FERMT1: variants seen among roughly 807,000 people sequenced by gnomAD.
FERMT1 encodes fermitin family homolog 1.
A neutral mutation model predicts 85.3 loss-of-function variants in FERMT1; 60 were observed. The observed-to-expected ratio is 0.70, with a 90% CI of 0.57 to 0.87. The LOEUF (loss-of-function observed/expected upper bound fraction) is 0.87, where lower values mean the gene tolerates loss of function less well. FERMT1 is among the 40% of genes least tolerant of loss of function. The pLI is 0.00. For missense variants in FERMT1, 701 were observed against 818.9 expected (o/e 0.86, Z 1.76); for synonymous variants, 275 against 301.1 (o/e 0.91, Z 0.90).
intron 13 of FERMT1, among the ~76,000 whole-genome samples, chr20:6,083,562 C>T (rs1170172918): frequency 1.3e-5 from 2 of 151,698 alleles, no homozygotes; most frequent in Non-Finnish European, 2.9e-5. Context: ...GGTGTGGTGG[C>T]TCATGCCTGT....
chr20:6,112,336 C>T lies in FERMT1; in HGVS notation c.532+141G>A, dbSNP rs1460786084. 9.8e-6 allele frequency: 8 copies of T among 812,256 alleles called. No homozygotes were observed. In the African/African-American group the frequency reaches 1.4e-4, roughly 14 times the overall value. 50.3% of individuals were successfully genotyped at this position (812,256 alleles called of 1,614,324 possible). A position where few individuals can be genotyped will look rare whatever the true frequency, so the allele number is the denominator to read the frequency against. Reference sequence around the variant, plus strand: ...GAAACACATTTCTGTTAATTCTAAACTTGACTAGATAGCCTTTCCTCATCA... The same window carrying T: ...GAAACACATTTCTGTTAATTCTAAATTTGACTAGATAGCCTTTCCTCATCA... On this transcript the variant is annotated intron_variant, in intron 4 of 14. Transcript: ENST00000217289.
chr20:6,112,277 T>A (rs949708809), intron 4 of FERMT1, among the ~76,000 whole-genome samples, 200 bp downstream of exon 4: 1 of 152,150 alleles, frequency 6.6e-6, no homozygotes, highest in African/African-American at 2.4e-5. Context: ...ATTCAAGTAA[T>A]GAGTTATTAA....
chr20:6,082,454 T>C lies in FERMT1; in HGVS notation c.1718+1586A>G, dbSNP rs551860547. The stretch of plus-strand genomic sequence containing the variant: ...TTTATGTGGTTTTCACTATGCGGGG[T>C]TGACTTCAGGGTTACAGGTGAGTGT... On this transcript the variant is annotated intron_variant, in intron 13 of 14. Coordinates refer to ENST00000217289, the MANE Select transcript of FERMT1 (RefSeq NM_017671.5). Among the ~76,000 whole-genome samples, 8 of 152,144 alleles carry C rather than the reference T, an allele frequency of 5.3e-5. No homozygotes were observed. In the South Asian group the frequency reaches 1.5e-3, roughly 28 times the overall value.
At chr20:6,093,273 G>A (rs970216109) in intron 9 of FERMT1, among the ~76,000 whole-genome samples, 6 of 151,882 alleles carry the variant, frequency 4.0e-5, no homozygotes, top group Admixed American at 2.6e-4. Flanking sequence ...TCCTTCATTT[G>A]TTTCTTCTTT....
chr20:6,107,626 TCTAGCCAA>T lies in FERMT1; in HGVS notation c.747_754del (p.Trp250LeufsTer14). Reference sequence around the variant, plus strand: ...TTGTTCCATAAGGGAGCGTGAGGAGTCTAGCCAACTAGAAAATGACAGCATGAGTTTTA... The same window carrying T: ...TTGTTCCATAAGGGAGCGTGAGGAGTCTAGAAAATGACAGCATGAGTTTTA... On this transcript the variant is annotated frameshift_variant and splice_region_variant, in exon 6 of 15. Transcript: ENST00000217289. LOFTEE classifies it high-confidence loss of function. The T allele has an allele frequency of 1.3e-6, 2 of 1,598,700 alleles. No homozygotes were observed.
At chr20:6,096,838 A>T in intron 8 of FERMT1, 64 bp downstream of exon 8, 1 of 1,449,476 alleles carries the variant, frequency 6.9e-7, no homozygotes, top group Non-Finnish European at 9.5e-7. Context: ...AATAAAGAAA[A>T]GTTCATTTAT....
intron 9 of FERMT1, among the ~76,000 whole-genome samples, chr20:6,092,829 A>C (rs1344993163): frequency 6.6e-6 from 1 of 151,958 alleles, no homozygotes; most frequent in African/African-American, 2.4e-5. Context: ...AACCATGACA[A>C]CCTGTCTCTA....
chr20:6,099,818 A>G (rs183616153), intron 6 of FERMT1, among the ~76,000 whole-genome samples: 9 of 142,848 alleles, frequency 6.3e-5, no homozygotes, highest in African/African-American at 2.4e-4. Context: ...CAACATGATG[A>G]GTCACTGTTT....
intron 6 of FERMT1, among the ~76,000 whole-genome samples, chr20:6,103,192 A>T (rs1982706568): frequency 6.6e-6 from 1 of 152,208 alleles, no homozygotes; most frequent in Non-Finnish European, 1.5e-5. Context: ...TGGAAATGGT[A>T]GTTTCTCTAT....
chr20:6,107,815 G>C (rs1982840524), intron 5 of FERMT1, among the ~76,000 whole-genome samples, 181 bp from the exon 6 acceptor site: 1 of 152,114 alleles, frequency 6.6e-6, no homozygotes, highest in Non-Finnish European at 1.5e-5. Context: ...CACTTTCTGA[G>C]CACTGACCTG....
In FERMT1 at chr20:6,104,948, C is replaced by G. The variant is rs11697570; in HGVS notation, c.849+2584G>C. On this transcript the variant is annotated intron_variant, in intron 6 of 14. Coordinates refer to ENST00000217289, the MANE Select transcript of FERMT1 (RefSeq NM_017671.5). The surrounding 1 kb of genome is among the most constrained non-coding windows in gnomAD (Gnocchi z 4.2). ...TAGCTCAAGCTTAGTTCTGAAGCAG[C>G]GGATTGAATCGGGGGAGTCTCTTGG... Among the ~76,000 whole-genome samples the G allele has an allele frequency of 0.15, 22,264 of 152,070 alleles. 2,377 individuals are homozygous for G. The highest frequency in any genetic ancestry group is 0.3 in the African/African-American group (12,578 of 41,434).
intron 13 of FERMT1, 33 bp downstream of exon 13, chr20:6,084,004 TGGA>T (rs1982087909): frequency 6.2e-7 from 1 of 1,613,630 alleles, no homozygotes; most frequent in Non-Finnish European, 8.5e-7. Context: ...TAAAATTGAA[TGGA>T]AAGTGTGAGA....
chr20:6,108,254 T>C (rs1982851211), intron 5 of FERMT1, among the ~76,000 whole-genome samples: 1 of 152,160 alleles, frequency 6.6e-6, no homozygotes, highest in South Asian at 2.1e-4. Flanking sequence ...TGAAAAAGTG[T>C]AAAAAACAAA....
chr20:6,116,729 C>CAAAAAAA (rs58183881), intron 2 of FERMT1, among the ~76,000 whole-genome samples: 11 of 140,896 alleles, frequency 7.8e-5, no homozygotes, highest in African/African-American at 2.9e-4. Context: ...ATCTCTGTCT[C>CAAAAAAA]AAAAAAAAAA....
chr20:6,090,488 G>A (rs1015300256), intron 9 of FERMT1, among the ~76,000 whole-genome samples: 9 of 152,108 alleles, frequency 5.9e-5, no homozygotes, highest in Non-Finnish European at 1.0e-4. Context: ...TATGCTGGGT[G>A]CCAGTGCCAT....
intron 4 of FERMT1, 49 bp downstream of exon 4, chr20:6,112,428 T>C (rs369859984): frequency 1.3e-6 from 2 of 1,587,736 alleles, no homozygotes; most frequent in Non-Finnish European, 1.7e-6. Context: ...ATTTCTCTCT[T>C]GAGTTTTACT....
chr20:6,089,020 G>C lies in FERMT1; in HGVS notation c.1209C>G (p.Tyr403Ter), dbSNP rs761341202. 5.6e-6 allele frequency: 9 copies of C among 1,611,530 alleles called. No homozygotes were observed. Among genetic ancestry groups the C allele is most frequent in the South Asian group, 1.1e-5 (1 of 91,038 alleles). Residue 403 changes from tyrosine (Y) to a stop codon, truncating the protein, a stop_gained, in exon 10 of 15, where the codon TAC (tyrosine) becomes TAG (stop). Transcript: ENST00000217289. LOFTEE classifies it high-confidence loss of function. Reference protein sequence around the residue: ...WFIFKDTSIAYFKNKELEQGE... With the variant: ...WFIFKDTSIA Reference sequence around the variant, plus strand: ...CTTGTTCAAGTTCCTTATTTTTAAAGTATGCTATGGATGTGTCTTTAAAGA... The same window carrying C: ...CTTGTTCAAGTTCCTTATTTTTAAACTATGCTATGGATGTGTCTTTAAAGA...
Position 6,075,138 on chromosome 20 carries a change from A to G in FERMT1, c.*2035T>C, listed in dbSNP as rs1387361699. ...ACGCTCCCCTGAAAACTGTAACCAA[A>G]CAAAGTTTGGTTAAAACAAAGTTGG... On this transcript the variant is annotated 3_prime_UTR_variant, in exon 15 of 15. Coordinates refer to ENST00000217289, the MANE Select transcript of FERMT1 (RefSeq NM_017671.5). The G allele has an allele frequency of 2.0e-5, 3 of 152,070 alleles. No homozygotes were observed. Among genetic ancestry groups the G allele is most frequent in the Non-Finnish European group, 4.4e-5 (3 of 67,994 alleles). 9.4% of individuals were successfully genotyped at this position (152,070 alleles called of 1,614,324 possible).
chr20:6,097,603 T>C lies in FERMT1; in HGVS notation c.878A>G (p.Tyr293Cys), dbSNP rs1471662560. ...KYDAVRINQL[Y>C]EQARWAILLE... ...GAGAATGGCCCACCTGGCTTGCTCA[T>C]AGAGTTGGTTTATTCGGACAGCATC... Residue 293 changes from tyrosine to cysteine, a missense_variant, in exon 7 of 15, where the codon TAT becomes TGT. Transcript: ENST00000217289. The C allele has an allele frequency of 6.2e-7, 1 of 1,613,766 alleles. No individual in the cohort carries two copies. Among genetic ancestry groups the C allele is most frequent in the African/African-American group, 1.3e-5 (1 of 74,866 alleles).
Sources: allele counts gnomAD v4.1 joint callset (sites outside exome capture counted in the v4.1 genomes callset), GRCh38; gene constraint gnomAD v4.1.1; non-coding constraint Gnocchi (gnomAD v3.1); transcripts MANE v1.5; gene names NCBI Gene and HGNC (gene_info 2026-07-23, HGNC 2026-07-21).